Variants in AP3B1 observed in about 807,000 individuals in gnomAD.
AP3B1 encodes the protein AP-3 complex subunit beta-1.
AP3B1 carries 61 observed loss-of-function variants against 132.5 expected under a neutral mutation model. The observed-to-expected ratio is 0.46, with a 90% CI of 0.37 to 0.57. AP3B1 has a LOEUF of 0.57. AP3B1 is among the 20% of genes least tolerant of loss of function. The probability of loss-of-function intolerance (pLI) is 0.00; values close to 1 mark genes in which losing one functional copy is unlikely to be tolerated. For missense variants in AP3B1, 1,120 were observed against 1,289.4 expected (o/e 0.87, Z 2.01); for synonymous variants, 388 against 438.3 (o/e 0.89, Z 1.43).
At chr5:78,209,914 A>G (rs1487369135) in intron 7 of AP3B1, among the ~76,000 whole-genome samples, 2 of 152,178 alleles carry the variant, frequency 1.3e-5, no homozygotes, top group African/African-American at 4.8e-5. Flanking sequence ...AAAAATTCCA[A>G]TCAATAGGAA....
chr5:78,226,103 T>C (rs985538179), intron 5 of AP3B1, among the ~76,000 whole-genome samples: 10 of 152,040 alleles, frequency 6.6e-5, no homozygotes, highest in African/African-American at 2.4e-4. Flanking sequence ...GAGGTAGTAA[T>C]AAGCTTAAAA....
At chr5:78,212,217 G>A (rs928608603) in intron 7 of AP3B1, among the ~76,000 whole-genome samples, 1 of 152,152 alleles carries the variant, frequency 6.6e-6, no homozygotes, top group African/African-American at 2.4e-5. Flanking sequence ...GAGGCAAGAG[G>A]TTGCAGTGAG....
chr5:78,166,678 C>T (rs946269753), intron 11 of AP3B1, among the ~76,000 whole-genome samples: 1 of 152,038 alleles, frequency 6.6e-6, no homozygotes, highest in African/African-American at 2.4e-5. Context: ...CAATAAACTA[C>T]ATTAAATAAA....
chr5:78,043,880 T>C (rs2112110545), intron 22 of AP3B1: 1 of 355,852 alleles, frequency 2.8e-6, no homozygotes, highest in Non-Finnish European at 5.5e-6. Context: ...CCAAGGCTGA[T>C]CTCCTAATTT....
rs1427598453 is a variant in AP3B1 at position 78,039,615 on chromosome 5, C to T, written c.2578-341G>A. On this transcript the variant is annotated intron_variant, in intron 22 of 26. Transcript: ENST00000255194. ...ACGGTGAAACTCCGTCTCTACTAAA[C>T]AAAATAGAAAAAATTAGCCAGGCAT... Among the ~76,000 whole-genome samples the T allele has an allele frequency of 2.6e-5, 4 of 151,688 alleles. 1 individual carries two copies. The highest frequency in any genetic ancestry group is 5.9e-5 in the Non-Finnish European group (4 of 67,902).
At chr5:78,237,462 T>A (rs376014080) in intron 3 of AP3B1, among the ~76,000 whole-genome samples, 1 of 151,362 alleles carries the variant, frequency 6.6e-6, no homozygotes, top group Admixed American at 6.6e-5. Context: ...CCACTACAGT[T>A]CCCCCCCAAA....
chr5:78,230,281 T>A (rs188529106), intron 3 of AP3B1, among the ~76,000 whole-genome samples: 1 of 152,342 alleles, frequency 6.6e-6, no homozygotes, highest in African/African-American at 2.4e-5. Flanking sequence ...TAAGATAATT[T>A]GAGATGATAA....
chr5:78,133,052 C>T (rs887408380), intron 15 of AP3B1, among the ~76,000 whole-genome samples: 2 of 152,208 alleles, frequency 1.3e-5, no homozygotes, highest in Admixed American at 1.3e-4. Flanking sequence ...CATATTTCAC[C>T]TATAACCAAC....
intron 26 of AP3B1, 23 bp from the exon 27 acceptor site, chr5:78,003,078 C>G (rs767395436): frequency 6.2e-7 from 1 of 1,612,932 alleles, no homozygotes; most frequent in East Asian, 2.2e-5. Context: ...AAAGAGAGAC[C>G]TTTTATCATA....
chr5:78,179,379 A>G (rs1744275406), intron 8 of AP3B1, among the ~76,000 whole-genome samples: 1 of 152,184 alleles, frequency 6.6e-6, no homozygotes, highest in Non-Finnish European at 1.5e-5. Flanking sequence ...GTTCTAATAT[A>G]TTAGGGTACT....
chr5:78,118,951 G>C (rs1024158812), intron 17 of AP3B1, among the ~76,000 whole-genome samples: 1 of 152,132 alleles, frequency 6.6e-6, no homozygotes, highest in African/African-American at 2.4e-5. Flanking sequence ...CACCTCACAC[G>C]GCCGGGTACT....
chr5:78,167,637 A>G (rs1322581277), intron 11 of AP3B1, among the ~76,000 whole-genome samples: 3 of 151,704 alleles, frequency 2.0e-5, no homozygotes, highest in African/African-American at 7.3e-5. Flanking sequence ...ATATATACAC[A>G]CACACACACA....
At chr5:78,253,185 CT>C (rs546107212) in intron 2 of AP3B1, among the ~76,000 whole-genome samples, 271 of 152,348 alleles carry the variant, frequency 1.8e-3, no homozygotes, top group South Asian at 7.7e-3. Context: ...GGGGTGCCCC[CT>C]AAAGCCAATA....
At chr5:78,180,758 C>T (rs970228028) in intron 8 of AP3B1, among the ~76,000 whole-genome samples, 1 of 151,814 alleles carries the variant, frequency 6.6e-6, no homozygotes, top group African/African-American at 2.4e-5. Flanking sequence ...TATATGTACA[C>T]TTATGCAGAT....
chr5:78,037,711 C>T (rs1428219013), intron 23 of AP3B1, among the ~76,000 whole-genome samples: 3 of 152,116 alleles, frequency 2.0e-5, no homozygotes, highest in Admixed American at 6.6e-5. Context: ...CCTAATTTTA[C>T]TTGATCCTGG....
chr5:78,056,855 T>G lies in AP3B1; in HGVS notation c.2578-17581A>C, dbSNP rs189165920. On this transcript the variant is annotated intron_variant, in intron 22 of 26. Coordinates refer to ENST00000255194, the MANE Select transcript of AP3B1 (RefSeq NM_003664.5). The stretch of plus-strand genomic sequence containing the variant: ...CTTTTAAATAATAGTCCTCTTTCCC[T>G]CCCAATTGTAATGTCCTTGGCTTTC... Among the ~76,000 whole-genome samples, 373 of 152,288 alleles carry G rather than the reference T, an allele frequency of 2.4e-3. 1 individual carries two copies. Among genetic ancestry groups the G allele is most frequent in the African/African-American group, 8.6e-3 (358 of 41,550 alleles).
intron 24 of AP3B1, among the ~76,000 whole-genome samples, chr5:78,026,699 T>G (rs1747353676): frequency 6.6e-6 from 1 of 152,190 alleles, no homozygotes; most frequent in Non-Finnish European, 1.5e-5. Flanking sequence ...ATTGCTGAAT[T>G]GAAAAGTATG....
At chr5:78,028,085 C>T (rs1482745974) in intron 24 of AP3B1, among the ~76,000 whole-genome samples, 1 of 151,710 alleles carries the variant, frequency 6.6e-6, no homozygotes, top group Non-Finnish European at 1.5e-5. Flanking sequence ...AAGATCGCAC[C>T]ACTGCACTCC....
In AP3B1 at chr5:78,220,773, G is replaced by C. The variant is rs568201248; in HGVS notation, c.604-4536C>G. 2.0e-5 allele frequency among the ~76,000 whole-genome samples: 3 copies of C among 152,222 alleles called. No homozygotes were observed. The South Asian group carries it at 6.2e-4, about 32-fold the overall frequency. On this transcript the variant is annotated intron_variant, in intron 6 of 26. Coordinates refer to ENST00000255194, the MANE Select transcript of AP3B1 (RefSeq NM_003664.5). ...AGAAAAAAAGAAATAAGAGGGGCTG[G>C]GTGCAGTGGCTCACGCCTGTAATCC...
Sources: allele counts gnomAD v4.1 joint callset (sites outside exome capture counted in the v4.1 genomes callset), GRCh38; gene constraint gnomAD v4.1.1; transcripts MANE v1.5; gene names NCBI Gene and HGNC (gene_info 2026-07-23, HGNC 2026-07-21).